Variants in DPP3 observed in about 807,000 individuals in gnomAD.
DPP3 encodes dipeptidyl peptidase 3.
In DPP3, 64 loss-of-function variants were observed where a neutral mutation model predicts 89.8. The ratio of observed to expected loss-of-function variants is 0.71; its 90% CI spans 0.58 to 0.88. The LOEUF is 0.88. Ranked by LOEUF, DPP3 falls within the 40% of genes least tolerant of loss-of-function variation. The pLI, the probability that DPP3 is intolerant of heterozygous loss-of-function variation, is 0.00. For synonymous variants in DPP3, 377 were observed against 404.3 expected (o/e 0.93, Z 0.81); for missense variants, 835 against 972.5 (o/e 0.86, Z 1.88).
chr11:66,504,538 C>A, intron 16 of DPP3, 74 bp from the exon 17 acceptor site: 1 of 1,503,866 alleles, frequency 6.6e-7, no homozygotes, highest in Non-Finnish European at 8.9e-7. Context: ...CCACAATCAG[C>A]TGTGGCCTAT....
intron 11 of DPP3, 40 bp downstream of exon 11, chr11:66,493,219 C>A (rs776734607): frequency 1.9e-6 from 3 of 1,556,402 alleles, no homozygotes; most frequent in East Asian, 2.3e-5. Flanking sequence ...TGGGCCTCAC[C>A]TTCCTCAGCA....
chr11:66,492,523 T>A (rs1590738164), intron 9 of DPP3, 193 bp from the exon 10 acceptor site: 2 of 580,588 alleles, frequency 3.4e-6, no homozygotes, highest in Non-Finnish European at 5.6e-6. Flanking sequence ...GAGAGACGGG[T>A]TTGTGCAGCT....
At position 66,481,912 on chromosome 11, in the gene DPP3, T is replaced by C. The variant is rs1855094268; in HGVS notation, c.-8-281T>C. ...ATCCACACACCTCGGCCTCCCAAAG[T>C]GCTGGGATTACAGGTGTGAGCCACC... On this transcript the variant is annotated intron_variant, in intron 1 of 17. Transcript: ENST00000531863. Among the ~76,000 whole-genome samples the C allele has an allele frequency of 2.6e-5, 4 of 152,182 alleles. No homozygotes were observed. The South Asian group carries it at 8.3e-4, about 31-fold the overall frequency.
chr11:66,498,669 G>A (rs936277489), intron 16 of DPP3, among the ~76,000 whole-genome samples: 2 of 152,214 alleles, frequency 1.3e-5, no homozygotes, highest in African/African-American at 2.4e-5. Flanking sequence ...TAAGCCATAA[G>A]ATATATGGCT....
intron 3 of DPP3, among the ~76,000 whole-genome samples, chr11:66,485,946 TC>T (rs1342790302): frequency 6.6e-6 from 1 of 151,560 alleles, no homozygotes; most frequent in Non-Finnish European, 1.5e-5. Flanking sequence ...TCTTTTCTTT[TC>T]TTTTCTTTTT....
Position 66,495,445 on chromosome 11 carries a change from T to C in DPP3, c.1533T>C (p.Ala511=). The C allele has an allele frequency of 6.2e-7, 1 of 1,612,418 alleles. No individual in the cohort carries two copies. The highest frequency in any genetic ancestry group is 8.5e-7 in the Non-Finnish European group (1 of 1,179,224). The part of the protein sequence containing the change: ...TIASSYEECR[A]ESVGLYLCLH... ...CCTCCAGCTACGAAGAGTGCCGGGC[T>C]GAGAGCGTGGGTCTCTACCTCTGTC... Residue 511 remains alanine, a synonymous_variant, in exon 14 of 18, where the codon GCT becomes GCC. Transcript: ENST00000531863.
At chr11:66,504,497 T>A in intron 16 of DPP3, 115 bp from the exon 17 acceptor site, 2 of 1,233,260 alleles carry the variant, frequency 1.6e-6, no homozygotes, top group Non-Finnish European at 2.1e-6. Context: ...GGGGACACAT[T>A]CAAACCATAG....
intron 1 of DPP3, 55 bp from the exon 2 acceptor site, chr11:66,482,138 G>A: frequency 1.9e-6 from 3 of 1,595,066 alleles, no homozygotes; most frequent in Non-Finnish European, 2.6e-6. Flanking sequence ...TTCAGAGCCA[G>A]GTATGCAATT....
Position 66,493,110 on chromosome 11 carries a change from G to A in DPP3, c.1227G>A (p.Leu409=). The stretch of plus-strand genomic sequence containing the variant: ...CGGAAGGCTTTAAGAACGTGTCGCT[G>A]GGGAATGTGCTGGCTGTGGCCTACG... ...RQTEGFKNVS[L]GNVLAVAYAT... is the part of the protein sequence containing the mutation. Residue 409 remains leucine (L), a synonymous_variant, in exon 11 of 18, where the codon CTG becomes CTA. Transcript: ENST00000531863. 6.2e-7 allele frequency: 1 copy of A among 1,614,158 alleles called. No individual in the cohort carries two copies. The highest frequency in any genetic ancestry group is 1.1e-5 in the South Asian group (1 of 91,080).
rs116946327 is a variant in DPP3 at position 66,508,803 on chromosome 11, G to A, written c.2042-276G>A. Among the ~76,000 whole-genome samples the A allele has an allele frequency of 3.4e-3, 522 of 152,276 alleles. 1 individual carries two copies. The highest frequency in any genetic ancestry group is 5.7e-3 in the Non-Finnish European group (385 of 68,028). ...GCCTACCAAGGTGCTAGGATTACAG[G>A]CATGAGCCACCATGCCCAGCCTAAA... is the stretch of plus-strand genomic sequence containing the variant. On this transcript the variant is annotated intron_variant, in intron 17 of 17. Coordinates refer to ENST00000531863, the MANE Select transcript of DPP3 (RefSeq NM_130443.4).
At position 66,493,574 on chromosome 11, in the gene DPP3, G is replaced by T; in HGVS notation, c.1330G>T (p.Asp444Tyr). Residue 444 changes from aspartate to tyrosine, a missense_variant, in exon 12 of 18, where the codon GAT becomes TAT. Transcript: ENST00000531863. ...CATCCTCTGGAAGGGGCCCTCCTTC[G>T]ATGTGCAGGTGGGCCTGCACGAGCT... The part of the protein sequence containing the change: ...LYILWKGPSF[D>Y]VQVGLHELLG... 6.2e-7 allele frequency: 1 copy of T among 1,613,170 alleles called. No homozygotes were observed. Among genetic ancestry groups the T allele is most frequent in the Non-Finnish European group, 8.5e-7 (1 of 1,179,920 alleles).
In DPP3 at chr11:66,485,887, G is replaced by A. The variant is rs545411781; in HGVS notation, c.360+625G>A. Among the ~76,000 whole-genome samples the A allele has an allele frequency of 1.6e-3, 248 of 151,962 alleles. 1 individual carries two copies. The highest frequency in any genetic ancestry group is 5.8e-3 in the African/African-American group (240 of 41,380). On this transcript the variant is annotated intron_variant, in intron 3 of 17. Transcript: ENST00000531863. Reference sequence around the variant, plus strand: ...TAGCCTCCCAAGTAGTTGGGAATATGGGTATGCAGCACCACACCAGCTAAA... The same window carrying A: ...TAGCCTCCCAAGTAGTTGGGAATATAGGTATGCAGCACCACACCAGCTAAA...
chr11:66,500,491 T>TA (rs577964103), intron 16 of DPP3, among the ~76,000 whole-genome samples: 90 of 152,310 alleles, frequency 5.9e-4, no homozygotes, highest in African/African-American at 2.1e-3. Flanking sequence ...ACCTTGTTAG[T>TA]AATTAGGCAA....
intron 16 of DPP3, among the ~76,000 whole-genome samples, chr11:66,499,658 C>T (rs1002910711): frequency 4.0e-5 from 6 of 151,298 alleles, no homozygotes; most frequent in Non-Finnish European, 5.9e-5. Flanking sequence ...TAATCCCAGC[C>T]ACTCAGGAGG....
rs527671156 is a variant in DPP3 at position 66,497,618 on chromosome 11, G to A, written c.1878+141G>A. ...TAGCCAGTAAACATGTAAGCGCACCGGGTGCCTCACGCCTGTGATCCCAGC... is the reference window on the plus strand; with the variant it reads ...TAGCCAGTAAACATGTAAGCGCACCAGGTGCCTCACGCCTGTGATCCCAGC... On this transcript the variant is annotated intron_variant, in intron 16 of 17. Coordinates refer to ENST00000531863, the MANE Select transcript of DPP3 (RefSeq NM_130443.4). 126 of 1,237,298 alleles carry A rather than the reference G, an allele frequency of 1.0e-4. No individual in the cohort carries two copies. The South Asian group carries it at 1.7e-3, about 16-fold the overall frequency. The allele number at this position is 1,237,298 out of a possible 1,614,324, so 76.6% of individuals were successfully genotyped here. A position where few individuals can be genotyped will look rare whatever the true frequency, so the allele number is the denominator to read the frequency against.
rs763359812 is a variant in DPP3, at chr11:66,495,211, A to G, written c.1395A>G (p.Glu465=). Residue 465 remains glutamate (E), a synonymous_variant, in exon 13 of 18, where the codon GAA becomes GAG. Coordinates refer to ENST00000531863, the MANE Select transcript of DPP3 (RefSeq NM_130443.4). ...ACCCACCGTGTGTTCTGCAGGACGA[A>G]AAAGGAGCATTCAACTTTGACCAGG... is the stretch of plus-strand genomic sequence containing the variant. The part of the protein sequence containing the change: ...HGSGKLFVQD[E]KGAFNFDQET... 4.3e-6 allele frequency: 7 copies of G among 1,612,204 alleles called. No individual in the cohort carries two copies. The East Asian group carries it at 1.3e-4, about 31-fold the overall frequency.
At chr11:66,508,905 G>A (rs1855871489) in intron 17 of DPP3, among the ~76,000 whole-genome samples, 174 bp from the exon 18 acceptor site, 2 of 152,130 alleles carry the variant, frequency 1.3e-5, no homozygotes, top group Admixed American at 1.3e-4. Flanking sequence ...TTCCTCACAG[G>A]GTTACTGTAA....
intron 6 of DPP3, among the ~76,000 whole-genome samples, chr11:66,491,006 C>T (rs192677748): frequency 9.5e-4 from 145 of 152,126 alleles, no homozygotes; most frequent in African/African-American, 3.3e-3. Flanking sequence ...AGACCTCAGG[C>T]GATCTGCCCG....
rs1425335319 is a variant in DPP3 at position 66,509,249 on chromosome 11, T to C, written c.2212T>C (p.Ter738ArgextTer25). Residue 738 changes from the stop codon to arginine (R), a stop_lost, in exon 18 of 18, where the codon TGA becomes CGA. Transcript: ENST00000531863. Reference sequence around the variant, plus strand: ...CAGTGAGGCCCCATCTGGCCAAGCTTGAGGAAGATGTGTGGCCTTGCCCCC... The same window carrying C: ...CAGTGAGGCCCCATCTGGCCAAGCTCGAGGAAGATGTGTGGCCTTGCCCCC... ...GPSEAPSGQA[*>R] The C allele has an allele frequency of 6.2e-7, 1 of 1,607,466 alleles. No individual in the cohort carries two copies. The highest frequency in any genetic ancestry group is 1.7e-5 in the Admixed American group (1 of 58,324).
Sources: allele counts gnomAD v4.1 joint callset (sites outside exome capture counted in the v4.1 genomes callset), GRCh38; gene constraint gnomAD v4.1.1; transcripts MANE v1.5; gene names NCBI Gene and HGNC (gene_info 2026-07-23, HGNC 2026-07-21).